The following OLAH variants were observed in gnomAD, a reference collection of about 807,000 sequenced individuals.
OLAH encodes the protein oleoyl-ACP hydrolase.
Under a neutral mutation model 27.8 loss-of-function variants are expected in OLAH, and 33 were observed. The observed-to-expected ratio is 1.19, with a 90% CI of 0.90 to 1.59. OLAH has a LOEUF of 1.59. Among genes scored for constraint, OLAH ranks in the 40% most tolerant of loss-of-function variants. OLAH has a pLI of 0.00. For missense variants in OLAH, 359 were observed against 310.8 expected (o/e 1.16, Z -1.17); for synonymous variants, 120 against 102.9 (o/e 1.17, Z -1.01).
upstream of OLAH, among the ~76,000 whole-genome samples, chr10:15,040,022 CTT>C (rs1390263008): frequency 6.6e-6 from 1 of 152,178 alleles, no homozygotes. Flanking sequence ...AAGTCTCAGA[CTT>C]TGAAATTTCA....
chr10:15,050,730 A>G (rs905695408), intron 3 of OLAH, among the ~76,000 whole-genome samples: 2 of 151,334 alleles, frequency 1.3e-5, no homozygotes, highest in Non-Finnish European at 2.9e-5. Context: ...TTTAGTAGAG[A>G]CAGGGTTTCA....
At chr10:15,055,153 A>T (rs778365340) in intron 3 of OLAH, among the ~76,000 whole-genome samples, 5 of 152,116 alleles carry the variant, frequency 3.3e-5, no homozygotes, top group Non-Finnish European at 5.9e-5. Context: ...TTTAGTAGAG[A>T]TGGGGAAAGT....
At chr10:15,052,457 G>C (rs1363851449) in intron 3 of OLAH, among the ~76,000 whole-genome samples, 1 of 152,032 alleles carries the variant, frequency 6.6e-6, no homozygotes, top group East Asian at 1.9e-4. Context: ...TTTTTTTGTA[G>C]AGACAGAGTC....
intron 3 of OLAH, among the ~76,000 whole-genome samples, 200 bp downstream of exon 3, chr10:15,049,965 AC>A (rs1249043255): frequency 6.6e-6 from 1 of 152,194 alleles, no homozygotes; most frequent in Non-Finnish European, 1.5e-5. Flanking sequence ...AGCTAGAAGG[AC>A]CTTTTAGGAG....
chr10:15,056,838 C>A (rs1844254748), intron 3 of OLAH: 1 of 1,501,314 alleles, frequency 6.7e-7, no homozygotes, highest in Non-Finnish European at 8.9e-7. Context: ...AGCATCTCAC[C>A]ATGTTGCCAA....
chr10:15,034,778 G>T (rs10906812), intron 1 of OLAH, among the ~76,000 whole-genome samples: 39,942 of 150,404 alleles, frequency 0.27, 5,842 homozygotes, highest in East Asian at 0.5. Flanking sequence ...ACTGCAGACA[G>T]TTTTCATTTT....
chr10:15,072,052 G>T (rs889872538), intron 7 of OLAH, among the ~76,000 whole-genome samples, 175 bp downstream of exon 7: 1 of 152,022 alleles, frequency 6.6e-6, no homozygotes, highest in Non-Finnish European at 1.5e-5. Flanking sequence ...TCCTGCCTCA[G>T]CCTCCTGAGT....
At chr10:15,043,189 C>A (rs1326265172), upstream of OLAH, among the ~76,000 whole-genome samples, 1 of 151,922 alleles carries the variant, frequency 6.6e-6, no homozygotes, top group Non-Finnish European at 1.5e-5. Flanking sequence ...AGTTACTTAA[C>A]CTCTCTGTGC....
At chr10:15,046,992 G>A in intron 1 of OLAH, 134 bp from the exon 2 acceptor site, 1 of 284,690 alleles carries the variant, frequency 3.5e-6, no homozygotes, top group South Asian at 9.0e-5. Flanking sequence ...TGGGGGTGGT[G>A]ACTCCTTATC....
intron 3 of OLAH, among the ~76,000 whole-genome samples, chr10:15,057,687 G>A (rs573596983): frequency 1.6e-4 from 24 of 152,080 alleles, no homozygotes; most frequent in African/African-American, 4.6e-4. Context: ...TGCCTGGGCC[G>A]GGTTCTCTAT....
chr10:15,032,612 C>T (rs1843775625), intron 1 of OLAH, among the ~76,000 whole-genome samples: 1 of 132,374 alleles, frequency 7.6e-6, no homozygotes, highest in South Asian at 2.6e-4. Flanking sequence ...CAGAGTGAGA[C>T]TCAGTTTCAA....
At chr10:15,059,696 C>A (rs898222271) in intron 3 of OLAH, among the ~76,000 whole-genome samples, 15 of 152,094 alleles carry the variant, frequency 9.9e-5, no homozygotes, top group African/African-American at 3.6e-4. Context: ...TTCCCAGCTA[C>A]TTGGGAGGGT....
chr10:15,059,809 A>T (rs978309711), intron 3 of OLAH, among the ~76,000 whole-genome samples: 2 of 152,150 alleles, frequency 1.3e-5, no homozygotes, highest in Admixed American at 6.5e-5. Flanking sequence ...CCTTCTCAAA[A>T]AAATAAATAA....
chr10:15,049,547 T>C (rs1200552337), intron 2 of OLAH, 88 bp from the exon 3 acceptor site: 8 of 894,936 alleles, frequency 8.9e-6, no homozygotes, highest in East Asian at 8.9e-5. Flanking sequence ...TTATAATTAA[T>C]AAAGATTTCC....
At chr10:15,055,523 A>C (rs1013948658) in intron 3 of OLAH, among the ~76,000 whole-genome samples, 1 of 152,202 alleles carries the variant, frequency 6.6e-6, no homozygotes, top group Non-Finnish European at 1.5e-5. Context: ...TCTGATATCA[A>C]GTCTCAAAGA....
chr10:15,071,245 C>T (rs902893664), intron 6 of OLAH, among the ~76,000 whole-genome samples: 1 of 152,124 alleles, frequency 6.6e-6, no homozygotes, highest in South Asian at 2.1e-4. Flanking sequence ...AGTTCTCCAT[C>T]CCCCTGGACT....
At chr10:15,056,966 G>A in intron 3 of OLAH, 1 of 1,444,940 alleles carries the variant, frequency 6.9e-7, no homozygotes. Context: ...GTCTATTCTG[G>A]ATTCTAATTT....
rs1156688304 is a variant in OLAH, at chr10:15,071,893, G to A, written c.655+16G>A. 1 of 1,577,106 alleles carries A rather than the reference G, an allele frequency of 6.3e-7. No homozygotes were observed. Among genetic ancestry groups the A allele is most frequent in the East Asian group, 2.2e-5 (1 of 44,694 alleles). On this transcript the variant is annotated intron_variant, in intron 7 of 7. Transcript: ENST00000378228. ...GACATGGAAGGTGAAATTATTTTTA[G>A]TCTCGAGTATTGTATTGAAATATAT...
chr10:15,050,792 C>T (rs571721098), intron 3 of OLAH, among the ~76,000 whole-genome samples: 4 of 151,714 alleles, frequency 2.6e-5, no homozygotes, highest in African/African-American at 9.7e-5. Flanking sequence ...CCGCCCGCCT[C>T]GGCCTCCCAA....
Sources: allele counts gnomAD v4.1 joint callset (sites outside exome capture counted in the v4.1 genomes callset), GRCh38; gene constraint gnomAD v4.1.1; transcripts MANE v1.5; gene names NCBI Gene and HGNC (gene_info 2026-07-23, HGNC 2026-07-21).